PDCD10: variants seen among roughly 807,000 people sequenced by gnomAD.
PDCD10 encodes programmed cell death 10.
Under a neutral mutation model 29.2 loss-of-function variants are expected in PDCD10, and 4 were observed. The observed-to-expected ratio is 0.14, with a 90% CI of 0.07 to 0.31. The LOEUF (loss-of-function observed/expected upper bound fraction) is 0.31, where lower values mean the gene tolerates loss of function less well. Ranked by LOEUF, PDCD10 falls within the 10% of genes least tolerant of loss-of-function variation. PDCD10 has a pLI of 1.00. For synonymous variants in PDCD10, 70 were observed against 82.2 expected, an observed-to-expected ratio of 0.85 and a Z score of 0.80; for missense variants, 183 against 257.9, an observed-to-expected ratio of 0.71 and a Z score of 1.99.
In PDCD10 at chr3:167,687,711, A is replaced by C. The variant is rs1418739803; in HGVS notation, c.396-18T>G. On this transcript the variant is annotated intron_variant, in intron 6 of 8. Transcript: ENST00000392750. Reference sequence around the variant, plus strand: ...CTATATCCCTGTTGGGAAAAGAATAAAGAATATCAGCTACATTTGAAAGAA... The same window carrying C: ...CTATATCCCTGTTGGGAAAAGAATACAGAATATCAGCTACATTTGAAAGAA... 50 of 1,321,444 alleles carry C rather than the reference A, an allele frequency of 3.8e-5. No homozygotes were observed. The highest frequency in any genetic ancestry group is 5.5e-5 in the Non-Finnish European group (50 of 913,742). The allele number at this position is 1,321,444 out of a possible 1,614,324, so 81.9% of individuals were successfully genotyped here. A position where few individuals can be genotyped will look rare whatever the true frequency, so the allele number is the denominator to read the frequency against.
At chr3:167,720,822 A>G (rs952795042) in intron 2 of PDCD10, among the ~76,000 whole-genome samples, 2 of 152,108 alleles carry the variant, frequency 1.3e-5, no homozygotes, top group Non-Finnish European at 2.9e-5. Flanking sequence ...TGTCAAACAT[A>G]AAATTGAAAA....
intron 8 of PDCD10, among the ~76,000 whole-genome samples, chr3:167,686,786 G>T (rs1318434894): frequency 6.6e-6 from 1 of 152,144 alleles, no homozygotes; most frequent in South Asian, 2.1e-4. Flanking sequence ...GTAGGCCAAT[G>T]AACTAAAATT....
At chr3:167,706,658 A>C (rs1722003681) in intron 3 of PDCD10, among the ~76,000 whole-genome samples, 2 of 152,228 alleles carry the variant, frequency 1.3e-5, no homozygotes, top group Admixed American at 1.3e-4. Flanking sequence ...TATGCCATCC[A>C]TCTACCAATG....
intron 5 of PDCD10, among the ~76,000 whole-genome samples, chr3:167,696,407 G>T (rs1016359709): frequency 2.6e-5 from 4 of 151,998 alleles, no homozygotes; most frequent in Non-Finnish European, 4.4e-5. Flanking sequence ...TAATGATAAG[G>T]GCTTTCTTAA....
At chr3:167,729,135 C>T (rs1430264891) in intron 2 of PDCD10, among the ~76,000 whole-genome samples, 1 of 152,156 alleles carries the variant, frequency 6.6e-6, no homozygotes, top group African/African-American at 2.4e-5. Context: ...AGTAGCTTGC[C>T]ACACTGATTG....
At chr3:167,717,528 A>G (rs2108475979) in intron 3 of PDCD10, among the ~76,000 whole-genome samples, 1 of 148,574 alleles carries the variant, frequency 6.7e-6, no homozygotes, top group African/African-American at 2.5e-5. Flanking sequence ...TTAGATATAT[A>G]GAGAATTTCA....
At chr3:167,717,461 T>G (rs541157950) in intron 3 of PDCD10, among the ~76,000 whole-genome samples, 1 of 152,170 alleles carries the variant, frequency 6.6e-6, no homozygotes, top group East Asian at 1.9e-4. Flanking sequence ...TGACAACCAC[T>G]TTCACCTTTA....
intron 2 of PDCD10, chr3:167,730,595 T>C (rs912956907): frequency 9.2e-5 from 14 of 152,122 alleles, no homozygotes; most frequent in African/African-American, 3.4e-4. Flanking sequence ...AGCCAAATTA[T>C]CAGCAATCTC....
At chr3:167,703,752 C>A (rs114376966) in intron 4 of PDCD10, among the ~76,000 whole-genome samples, 2,243 of 151,898 alleles carry the variant, frequency 0.015, 52 homozygotes, top group African/African-American at 0.051. Context: ...TAGGGCTGTA[C>A]AACAGAAATG....
chr3:167,693,267 T>G (rs570217421), intron 6 of PDCD10, among the ~76,000 whole-genome samples: 1 of 152,236 alleles, frequency 6.6e-6, no homozygotes, highest in East Asian at 1.9e-4. Context: ...GTGTTGAGGA[T>G]CAGTACACAG....
rs1725227905 is a variant in PDCD10, at chr3:167,734,709, C to G, written c.-301G>C. ...CCCCGTCCGCTCCGCCTGCCAGAAC[C>G]AAGCCCAAGTGCCTCAGCCATGGCC... On this transcript the variant is annotated 5_prime_UTR_variant, in exon 1 of 9. Transcript: ENST00000392750. The G allele has an allele frequency of 6.5e-6, 1 of 154,952 alleles. No homozygotes were observed. The highest frequency in any genetic ancestry group is 1.4e-5 in the Non-Finnish European group (1 of 69,980). 9.6% of individuals were successfully genotyped at this position (154,952 alleles called of 1,614,324 possible).
chr3:167,687,773 G>T (rs561395243), intron 6 of PDCD10, 80 bp from the exon 7 acceptor site: 2 of 769,500 alleles, frequency 2.6e-6, no homozygotes, highest in Non-Finnish European at 4.6e-6. Flanking sequence ...ACATTTGAAA[G>T]AAATTAAGTA....
intron 2 of PDCD10, among the ~76,000 whole-genome samples, chr3:167,733,301 TCTAA>T (rs1174065825): frequency 5.9e-5 from 9 of 152,324 alleles, no homozygotes; most frequent in Admixed American, 3.9e-4. Flanking sequence ...ATGAACATAC[TCTAA>T]CAATTCTATT....
At chr3:167,710,206 A>G (rs1056443184) in intron 3 of PDCD10, among the ~76,000 whole-genome samples, 12 of 152,064 alleles carry the variant, frequency 7.9e-5, no homozygotes, top group Non-Finnish European at 1.8e-4. Flanking sequence ...AAAAAGCAAA[A>G]GGAAATATAA....
At chr3:167,696,518 AAACTT>A (rs1401138842) in intron 5 of PDCD10, among the ~76,000 whole-genome samples, 1 of 152,198 alleles carries the variant, frequency 6.6e-6, no homozygotes, top group African/African-American at 2.4e-5. Flanking sequence ...AACTGCTACT[AAACTT>A]AAGTAAAACC....
At chr3:167,712,996 CAAT>C (rs1429850324) in intron 3 of PDCD10, among the ~76,000 whole-genome samples, 11 of 152,022 alleles carry the variant, frequency 7.2e-5, no homozygotes, top group Non-Finnish European at 1.3e-4. Flanking sequence ...GAGCAAAATA[CAAT>C]AATAGCTGGA....
chr3:167,694,661 A>G (rs973213014), intron 6 of PDCD10: 1 of 152,732 alleles, frequency 6.5e-6, no homozygotes, highest in Non-Finnish European at 1.5e-5. Context: ...GGGAAGGCGC[A>G]TATCAGATGC....
chr3:167,709,678 T>C (rs1043605311), intron 3 of PDCD10, among the ~76,000 whole-genome samples: 5 of 152,126 alleles, frequency 3.3e-5, no homozygotes, highest in African/African-American at 1.2e-4. Context: ...CTGCAATTCC[T>C]GGACACGTCT....
intron 3 of PDCD10, among the ~76,000 whole-genome samples, chr3:167,716,710 A>C (rs1559970085): frequency 6.6e-6 from 1 of 152,026 alleles, no homozygotes; most frequent in South Asian, 2.1e-4. Flanking sequence ...TAGCTGATTC[A>C]GATGCTTCTG....
Sources: gnomAD v4.1 joint callset for allele counts (sites outside exome capture counted in the v4.1 genomes callset) on GRCh38, gnomAD v4.1.1 for gene constraint, MANE v1.5 for transcripts, NCBI Gene and HGNC (gene_info 2026-07-23, HGNC 2026-07-21) for gene names.